The following RPL37 variants were observed in gnomAD, a reference collection of about 807,000 sequenced individuals.
RPL37 encodes large ribosomal subunit protein eL37.
Under a neutral mutation model 14.8 loss-of-function variants are expected in RPL37, and 1 was observed. That is an observed-to-expected ratio of 0.07 (90% confidence interval 0.02 to 0.32). The LOEUF is 0.32. Ranked by LOEUF, RPL37 falls within the 10% of genes least tolerant of loss-of-function variation. The pLI is 1.00. For synonymous variants in RPL37, 53 were observed against 45.8 expected (o/e 1.16, Z -0.63); for missense variants, 100 against 128.3 (o/e 0.78, Z 1.06).
rs1426789507 is a variant in RPL37 at position 40,826,211 on chromosome 5, T to G, written c.*6293A>C. 2.0e-5 allele frequency: 3 copies of G among 152,226 alleles called. No individual in the cohort carries two copies. The highest frequency in any genetic ancestry group is 2.0e-4 in the Admixed American group (3 of 15,280). The allele number at this position is 152,226 out of a possible 1,614,324, so 9.4% of individuals were successfully genotyped here. A position where few individuals can be genotyped will look rare whatever the true frequency, so the allele number is the denominator to read the frequency against. ...ACTTTTTACATTTGCTAGATGTTTA[T>G]TTGCAGAGCTACATAAATATAACCT... On this transcript the variant is annotated 3_prime_UTR_variant, in exon 4 of 4. Coordinates refer to ENST00000274242, the MANE Select transcript of RPL37 (RefSeq NM_000997.5).
rs1745584237 is a variant in RPL37 at position 40,829,190 on chromosome 5, C to G, written c.*3314G>C. 5.3e-5 allele frequency: 8 copies of G among 152,120 alleles called. No individual in the cohort carries two copies. Among genetic ancestry groups the G allele is most frequent in the Admixed American group, 5.2e-4 (8 of 15,260 alleles). 9.4% of individuals were successfully genotyped at this position (152,120 alleles called of 1,614,324 possible). On this transcript the variant is annotated 3_prime_UTR_variant, in exon 4 of 4. Coordinates refer to ENST00000274242, the MANE Select transcript of RPL37 (RefSeq NM_000997.5). The stretch of plus-strand genomic sequence containing the variant: ...TTTAGATGTTTTCTGTAGAGAACTC[C>G]CGGACAGCCCCACAGCCACTGCCTT...
chr5:40,833,923 T>C (rs1745698965), intron 3 of RPL37: 8 of 472,092 alleles, frequency 1.7e-5, no homozygotes, highest in Non-Finnish European at 3.0e-5. Flanking sequence ...AGCGCACACC[T>C]GTAGTCCCGG....
chr5:40,834,621 A>G lies in RPL37; in HGVS notation c.4-15T>C, dbSNP rs370797585. Reference sequence around the variant, plus strand: ...GTTCCCTTCGTCTGCACATTAAAGGAATAAATAGTTCTGAAACCTGGCAAC... The same window carrying G: ...GTTCCCTTCGTCTGCACATTAAAGGGATAAATAGTTCTGAAACCTGGCAAC... On this transcript the variant is annotated splice_polypyrimidine_tract_variant and intron_variant, in intron 1 of 3. Transcript: ENST00000274242. 1.3e-6 allele frequency: 2 copies of G among 1,594,496 alleles called. No individual in the cohort carries two copies. The highest frequency in any genetic ancestry group is 1.7e-6 in the Non-Finnish European group (2 of 1,173,878).
rs1194001057 is a variant in RPL37 at position 40,825,864 on chromosome 5, C to G, written c.*6640G>C. 2 of 152,232 alleles carry G rather than the reference C, an allele frequency of 1.3e-5. No homozygotes were observed. The highest frequency in any genetic ancestry group is 4.8e-5 in the African/African-American group (2 of 41,408). The allele number at this position is 152,232 out of a possible 1,614,324, so 9.4% of individuals were successfully genotyped here. On this transcript the variant is annotated 3_prime_UTR_variant, in exon 4 of 4. Coordinates refer to ENST00000274242, the MANE Select transcript of RPL37 (RefSeq NM_000997.5). ...GGGATTACAGGTGTGTGCCACTGCACCTGGCTAATTTTTGTATTTTTAGTG... is the reference window on the plus strand; with the variant it reads ...GGGATTACAGGTGTGTGCCACTGCAGCTGGCTAATTTTTGTATTTTTAGTG...
Position 40,834,469 on chromosome 5 carries a change from A to G in RPL37, c.139+2T>C, listed in dbSNP as rs762961473. 4 of 1,612,536 alleles carry G rather than the reference A, an allele frequency of 2.5e-6. No homozygotes were observed. The highest frequency in any genetic ancestry group is 3.4e-6 in the Non-Finnish European group (4 of 1,179,652). On this transcript the variant is annotated splice_donor_variant, in intron 2 of 3. Transcript: ENST00000274242. LOFTEE classifies it high-confidence loss of function. ...ACAGTTGGCCTGAAAAATGTTACTT[A>G]CACTTTCTCTTGCGCTTGGCAGGGT...
chr5:40,834,968 C>T, intron 1 of RPL37: 1 of 668,460 alleles, frequency 1.5e-6, no homozygotes, highest in South Asian at 1.8e-5. Flanking sequence ...AGGCAAAGGA[C>T]ACAATGCGGC....
chr5:40,832,638 G>A lies in RPL37; in HGVS notation c.225-65C>T, dbSNP rs570163616. ...CATCGATGCATACATTTTAATTTTT[G>A]TTAAACAGATTTCAATGCGCTTATC... On this transcript the variant is annotated intron_variant, in intron 3 of 3. Coordinates refer to ENST00000274242, the MANE Select transcript of RPL37 (RefSeq NM_000997.5). 2.5e-4 allele frequency: 311 copies of A among 1,231,170 alleles called. 2 individuals carry two copies. The South Asian group carries it at 3.0e-3, about 12-fold the overall frequency. 76.3% of individuals were successfully genotyped at this position (1,231,170 alleles called of 1,614,324 possible).
In RPL37 at chr5:40,830,490, T is replaced by C. The variant is rs1338381366; in HGVS notation, c.*2014A>G. 1 of 145,548 alleles carries C rather than the reference T, an allele frequency of 6.9e-6. No homozygotes were observed. Among genetic ancestry groups the C allele is most frequent in the East Asian group, 2.2e-4 (1 of 4,544 alleles). The allele number at this position is 145,548 out of a possible 1,614,324, so 9.0% of individuals were successfully genotyped here. A position where few individuals can be genotyped will look rare whatever the true frequency, so the allele number is the denominator to read the frequency against. On this transcript the variant is annotated 3_prime_UTR_variant, in exon 4 of 4. Coordinates refer to ENST00000274242, the MANE Select transcript of RPL37 (RefSeq NM_000997.5). ...TGTTTCATTTGAAAATTTGAGTCAT[T>C]AGTTCAAGGATTTTTTTTTTTTTTT...
chr5:40,834,476 C>T lies in RPL37; in HGVS notation c.134G>A (p.Arg45Lys), dbSNP rs767822854. ...GKCGYPAKRKRKYNWSAKAKR... is the reference protein window; with the variant it reads ...GKCGYPAKRKKKYNWSAKAKR... ...GCCTGAAAAATGTTACTTACACTTTCTCTTGCGCTTGGCAGGGTAGCCACA... is the reference window on the plus strand; with the variant it reads ...GCCTGAAAAATGTTACTTACACTTTTTCTTGCGCTTGGCAGGGTAGCCACA... The change falls in exon 2 of 4, where the codon AGA becomes AAA. Residue 45 changes from arginine (R) to lysine (K), a missense_variant. This residue lies in a region of RPL37 where 74 missense variants were observed against 69.9 expected (regional missense o/e 1.06). Transcript: ENST00000274242. The T allele has an allele frequency of 2.5e-6, 4 of 1,612,904 alleles. No homozygotes were observed. In the South Asian group the frequency reaches 3.3e-5, roughly 13 times the overall value.
rs1261348382 is a variant in RPL37 at position 40,832,376 on chromosome 5, A to G, written c.*128T>C. The G allele has an allele frequency of 2.5e-6, 2 of 815,780 alleles. No homozygotes were observed. Among genetic ancestry groups the G allele is most frequent in the East Asian group, 2.5e-5 (1 of 40,210 alleles). 50.5% of individuals were successfully genotyped at this position (815,780 alleles called of 1,614,324 possible). On this transcript the variant is annotated 3_prime_UTR_variant, in exon 4 of 4. Coordinates refer to ENST00000274242, the MANE Select transcript of RPL37 (RefSeq NM_000997.5). ...TAACAAGTAAATCTGATATGAAGCT[A>G]GCCCAGTCCCTAAACCTACAGTATT...
Position 40,826,870 on chromosome 5 carries a change from C to T in RPL37, c.*5634G>A, listed in dbSNP as rs1331258296. On this transcript the variant is annotated 3_prime_UTR_variant, in exon 4 of 4. Transcript: ENST00000274242. ...AAGGTTCACTGCAGCCTTGACCTCCCAGGCTCAAGCAATCCTTCCACCTCA... is the reference window on the plus strand; with the variant it reads ...AAGGTTCACTGCAGCCTTGACCTCCTAGGCTCAAGCAATCCTTCCACCTCA... 1 of 152,266 alleles carries T rather than the reference C, an allele frequency of 6.6e-6. No individual in the cohort carries two copies. Among genetic ancestry groups the T allele is most frequent in the Non-Finnish European group, 1.5e-5 (1 of 68,110 alleles). 9.4% of individuals were successfully genotyped at this position (152,266 alleles called of 1,614,324 possible). A position where few individuals can be genotyped will look rare whatever the true frequency, so the allele number is the denominator to read the frequency against.
chr5:40,834,918 C>A, intron 1 of RPL37: 2 of 614,648 alleles, frequency 3.3e-6, no homozygotes, highest in African/African-American at 1.8e-5. Context: ...CGGCTCCCAA[C>A]CAAGGCTAGA....
chr5:40,829,337 A>G lies in RPL37; in HGVS notation c.*3167T>C, dbSNP rs1745587209. 6.6e-6 allele frequency: 1 copy of G among 152,222 alleles called. No individual in the cohort carries two copies. The highest frequency in any genetic ancestry group is 1.5e-5 in the Non-Finnish European group (1 of 68,030). 9.4% of individuals were successfully genotyped at this position (152,222 alleles called of 1,614,324 possible). On this transcript the variant is annotated 3_prime_UTR_variant, in exon 4 of 4. Transcript: ENST00000274242. ...TCTTGCTAGAATAACTATTCCTAAC[A>G]TTCTGGTTTAAATCCTCTGTAATTT...
At chr5:40,834,417 T>G (rs1745717011) in intron 2 of RPL37, 54 bp downstream of exon 2, 1 of 1,598,516 alleles carries the variant, frequency 6.3e-7, no homozygotes, top group Non-Finnish European at 8.5e-7. Flanking sequence ...ATGCCCCCAC[T>G]TAAGTGCAAT....
chr5:40,834,261 G>A lies in RPL37; in HGVS notation c.144C>T (p.Asn48=), dbSNP rs1745712631. 2 of 1,613,712 alleles carry A rather than the reference G, an allele frequency of 1.2e-6. No individual in the cohort carries two copies. The highest frequency in any genetic ancestry group is 1.7e-6 in the Non-Finnish European group (2 of 1,179,748). ...GYPAKRKRKY[N]WSAKAKRRNT... is the part of the protein sequence containing the mutation. ...TTCGTCTTTTAGCCTTGGCACTCCAGTTATCTAAAACATAAGTTCAGAAAA... is the reference window on the plus strand; with the variant it reads ...TTCGTCTTTTAGCCTTGGCACTCCAATTATCTAAAACATAAGTTCAGAAAA... Residue 48 remains asparagine (N), a synonymous_variant, in exon 3 of 4, where the codon AAC becomes AAT. Transcript: ENST00000274242.
At position 40,826,021 on chromosome 5, in the gene RPL37, A is replaced by G. The variant is rs1025370322; in HGVS notation, c.*6483T>C. On this transcript the variant is annotated 3_prime_UTR_variant, in exon 4 of 4. Coordinates refer to ENST00000274242, the MANE Select transcript of RPL37 (RefSeq NM_000997.5). ...TCCGCACCCGGCCGCTCCTCAGTCA[A>G]TTCTAAACAACTGTCCTCACTTGAG... 6.6e-6 allele frequency: 1 copy of G among 152,158 alleles called. No individual in the cohort carries two copies. The highest frequency in any genetic ancestry group is 1.5e-5 in the Non-Finnish European group (1 of 68,042). 9.4% of individuals were successfully genotyped at this position (152,158 alleles called of 1,614,324 possible). A position where few individuals can be genotyped will look rare whatever the true frequency, so the allele number is the denominator to read the frequency against.
At position 40,832,510 on chromosome 5, in the gene RPL37, T is replaced by C. The variant is rs746139385; in HGVS notation, c.288A>G (p.Ser96=). Residue 96 remains serine (S), a synonymous_variant, in exon 4 of 4, where the codon TCA becomes TCG. Coordinates refer to ENST00000274242, the MANE Select transcript of RPL37 (RefSeq NM_000997.5). ...TGACTAATCGTTGACATTCTTAAGA[T>C]GAACTGGATGCTGCAACAGCTGCCC... The part of the protein sequence containing the change: ...PKRAAVAASS[S]S The C allele has an allele frequency of 1.9e-6, 3 of 1,613,188 alleles. No individual in the cohort carries two copies. The highest frequency in any genetic ancestry group is 1.7e-5 in the Admixed American group (1 of 60,026).
At position 40,835,168 on chromosome 5, in the gene RPL37, A is replaced by G. The variant is rs537002248; in HGVS notation, c.3+15T>C. 8.9e-5 allele frequency: 144 copies of G among 1,614,040 alleles called. No individual in the cohort carries two copies. The highest frequency in any genetic ancestry group is 2.5e-4 in the Admixed American group (15 of 60,004). On this transcript the variant is annotated intron_variant, in intron 1 of 3. Transcript: ENST00000274242. ...GGATGGAACGCGATTCACAAACACC[A>G]CAGTCACAACTCACCATCTCGCTTC...
intron 3 of RPL37, 32 bp downstream of exon 3, chr5:40,834,149 G>A (rs1394052513): frequency 6.7e-7 from 1 of 1,493,790 alleles, no homozygotes; most frequent in South Asian, 1.1e-5. Flanking sequence ...CAAGCCCACT[G>A]GACCAATTAT....
Sources: gnomAD v4.1 joint callset for allele counts on GRCh38, gnomAD v4.1.1 for gene constraint, gnomAD v4.1.1 regional missense constraint, MANE v1.5 for transcripts, NCBI Gene and HGNC (gene_info 2026-07-23, HGNC 2026-07-21) for gene names.